SPATA13: variants seen among roughly 807,000 people sequenced by gnomAD.
SPATA13 encodes the protein spermatogenesis-associated protein 13.
In SPATA13, 50 loss-of-function variants were observed where a neutral mutation model predicts 104.0. That is an observed-to-expected ratio of 0.48 (90% confidence interval 0.38 to 0.61). The LOEUF (loss-of-function observed/expected upper bound fraction) is 0.61, where lower values mean the gene tolerates loss of function less well. Among genes scored for constraint, SPATA13 ranks in the 20% least tolerant of loss-of-function variants. SPATA13 has a pLI of 0.00. For synonymous variants in SPATA13, 606 were observed against 667.5 expected (o/e 0.91, Z 1.42); for missense variants, 1,524 against 1,690.6 (o/e 0.90, Z 1.73).
intron 2 of SPATA13, among the ~76,000 whole-genome samples, chr13:24,004,010 T>C (rs1876104181): frequency 1.3e-5 from 2 of 152,224 alleles, no homozygotes; most frequent in Admixed American, 1.3e-4. Context: ...ATTACTATTG[T>C]CTTTTAAATA....
At chr13:23,994,537 C>G (rs572386220) in intron 2 of SPATA13, among the ~76,000 whole-genome samples, 1 of 152,096 alleles carries the variant, frequency 6.6e-6, no homozygotes, top group Non-Finnish European at 1.5e-5. Context: ...CCTTTCAGGC[C>G]CTGGATGCTG....
intron 1 of SPATA13, among the ~76,000 whole-genome samples, chr13:24,203,761 A>G (rs1413208323): frequency 1.3e-5 from 2 of 152,180 alleles, no homozygotes; most frequent in African/African-American, 4.8e-5. Flanking sequence ...AATACAGACA[A>G]TTGATGAGAA....
At chr13:24,245,157 G>A (rs1873047939) in intron 2 of SPATA13, among the ~76,000 whole-genome samples, 1 of 152,130 alleles carries the variant, frequency 6.6e-6, no homozygotes, top group South Asian at 2.1e-4. Context: ...TCTGAGTTAG[G>A]CTCTCACTTG....
Position 24,306,298 on chromosome 13 carries a change from CCTT to C in SPATA13, c.*3527_*3529del, listed in dbSNP as rs1275944592. On this transcript the variant is annotated 3_prime_UTR_variant, in exon 13 of 13. Transcript: ENST00000382108. ...CTCTGCAAGCCAAATTGCTGATACT[CCTT>C]CATGCAGATCAACTTGGTGTCCCAG... 1 of 152,238 alleles carries C rather than the reference CCTT, an allele frequency of 6.6e-6. No homozygotes were observed. 9.4% of individuals were successfully genotyped at this position (152,238 alleles called of 1,614,324 possible).
chr13:24,081,151 G>A (rs1037667639), intron 3 of SPATA13, among the ~76,000 whole-genome samples: 1 of 152,132 alleles, frequency 6.6e-6, no homozygotes, highest in African/African-American at 2.4e-5. Context: ...CCTCCATTTT[G>A]TCCTTGCTGT....
In SPATA13 at chr13:24,075,321, C is replaced by T. The variant is rs535695068; in HGVS notation, c.-112+57620C>T. Among the ~76,000 whole-genome samples, 30 of 152,234 alleles carry T rather than the reference C, an allele frequency of 2.0e-4. 1 individual carries two copies. In the South Asian group the frequency reaches 5.6e-3, roughly 28 times the overall value. ...TTTTACATAATTATATCTCCAGAGC[C>T]TGGATCTCGGTTTGGCAAATAGTAG... On this transcript the variant is annotated intron_variant, in intron 3 of 14. Coordinates refer to the SPATA13 transcript ENST00000424834.
chr13:24,191,367 A>G (rs1173335947), intron 1 of SPATA13, among the ~76,000 whole-genome samples: 1 of 152,142 alleles, frequency 6.6e-6, no homozygotes, highest in Non-Finnish European at 1.5e-5. Context: ...TAACTTTTAC[A>G]TGCATTGGGA....
intron 1 of SPATA13, among the ~76,000 whole-genome samples, chr13:24,211,448 GT>G (rs1871007732): frequency 1.3e-5 from 2 of 152,266 alleles, no homozygotes; most frequent in South Asian, 4.1e-4. Flanking sequence ...TTTGTTGAGA[GT>G]TTTTATCATG....
chr13:24,157,454 A>G (rs1172381295), upstream of SPATA13, among the ~76,000 whole-genome samples: 2 of 151,922 alleles, frequency 1.3e-5, no homozygotes, highest in Non-Finnish European at 2.9e-5. Flanking sequence ...GCCCGCCACC[A>G]CGCCCGGCTA....
chr13:23,981,688 A>G (rs912118008), intron 1 of SPATA13, among the ~76,000 whole-genome samples: 9 of 152,328 alleles, frequency 5.9e-5, no homozygotes, highest in African/African-American at 2.2e-4. Flanking sequence ...AAATAGAAGG[A>G]GTCCAGCACT....
intron 3 of SPATA13, among the ~76,000 whole-genome samples, chr13:24,026,722 T>C (rs1405759763): frequency 2.0e-5 from 3 of 151,962 alleles, no homozygotes; most frequent in African/African-American, 4.8e-5. Context: ...GGACTACAGG[T>C]GCCCGCCACC....
chr13:24,039,581 AG>A (rs1309260227), intron 3 of SPATA13, among the ~76,000 whole-genome samples: 1 of 152,090 alleles, frequency 6.6e-6, no homozygotes, highest in African/African-American at 2.4e-5. Context: ...CACTCTCAAT[AG>A]GAATTCTTGG....
At chr13:24,184,890 C>T (rs1023685601) in intron 1 of SPATA13, among the ~76,000 whole-genome samples, 13 of 152,054 alleles carry the variant, frequency 8.5e-5, no homozygotes, top group Non-Finnish European at 1.5e-4. Flanking sequence ...TCCTGTTGTT[C>T]TGAGTTGAGT....
intron 2 of SPATA13, among the ~76,000 whole-genome samples, chr13:23,998,446 G>A (rs1593266005): frequency 1.3e-5 from 2 of 152,174 alleles, no homozygotes; most frequent in South Asian, 2.1e-4. Flanking sequence ...AGTTGAGAGT[G>A]TTTTATAAAC....
In SPATA13 at chr13:24,303,202, C is replaced by T. The variant is rs1289621632; in HGVS notation, c.*429C>T. 2 of 402,076 alleles carry T rather than the reference C, an allele frequency of 5.0e-6. No homozygotes were observed. Among genetic ancestry groups the T allele is most frequent in the Non-Finnish European group, 9.9e-6 (2 of 201,902 alleles). The allele number at this position is 402,076 out of a possible 1,614,324, so 24.9% of individuals were successfully genotyped here. On this transcript the variant is annotated 3_prime_UTR_variant, in exon 13 of 13. Coordinates refer to ENST00000382108, the MANE Select transcript of SPATA13 (RefSeq NM_001166271.3). The stretch of plus-strand genomic sequence containing the variant: ...CTTCTGCATTTGATTTTCAAGGATG[C>T]CGTCAAGACGGGGTTGACACAATGC...
At chr13:24,174,574 A>G (rs1416412422) in intron 1 of SPATA13, among the ~76,000 whole-genome samples, 1 of 151,412 alleles carries the variant, frequency 6.6e-6, no homozygotes, top group Non-Finnish European at 1.5e-5. Flanking sequence ...CCTTTATTTT[A>G]TTTTTTATTA....
At chr13:24,195,198 T>G (rs1004335143) in intron 1 of SPATA13, among the ~76,000 whole-genome samples, 11 of 152,220 alleles carry the variant, frequency 7.2e-5, no homozygotes, top group Admixed American at 2.0e-4. Context: ...TCAATGGAAT[T>G]ATACAATATG....
intron 3 of SPATA13, among the ~76,000 whole-genome samples, chr13:24,107,467 T>C (rs1410337796): frequency 1.3e-5 from 2 of 152,072 alleles, no homozygotes; most frequent in Non-Finnish European, 2.9e-5. Context: ...TAAAAGCAAA[T>C]GTACTTGCTT....
At chr13:23,992,990 G>A (rs148897397) in intron 2 of SPATA13, among the ~76,000 whole-genome samples, 1 of 152,330 alleles carries the variant, frequency 6.6e-6, no homozygotes, top group African/African-American at 2.4e-5. Flanking sequence ...AGAGCTGCCT[G>A]TCATATTTTC....
Sources: gnomAD v4.1 joint callset for allele counts (sites outside exome capture counted in the v4.1 genomes callset) on GRCh38, gnomAD v4.1.1 for gene constraint, MANE v1.5 for transcripts, NCBI Gene and HGNC (gene_info 2026-07-23, HGNC 2026-07-21) for gene names.